ADAMTS17: variants seen among roughly 807,000 people sequenced by gnomAD.
ADAMTS17 encodes ADAM metallopeptidase with thrombospondin type 1 motif 17.
A neutral mutation model predicts 141.5 loss-of-function variants in ADAMTS17; 113 were observed. The observed-to-expected ratio is 0.80, with a 90% CI of 0.69 to 0.93. The LOEUF is 0.93. Ranked by LOEUF, ADAMTS17 falls within the 40% of genes least tolerant of loss-of-function variation. The pLI, the probability that ADAMTS17 is intolerant of heterozygous loss-of-function variation, is 0.00. For synonymous variants in ADAMTS17, 768 were observed against 630.6 expected, an observed-to-expected ratio of 1.22 and a Z score of -3.27; for missense variants, 1,659 against 1,517.9, an observed-to-expected ratio of 1.09 and a Z score of -1.54.
At chr15:100,140,820 T>TC (rs2038606726) in intron 10 of ADAMTS17, among the ~76,000 whole-genome samples, 1 of 151,988 alleles carries the variant, frequency 6.6e-6, no homozygotes, top group Admixed American at 6.5e-5. Context: ...GTCCATCCTC[T>TC]CATCTGCAGT....
intron 21 of ADAMTS17, among the ~76,000 whole-genome samples, chr15:99,975,785 T>A (rs2060310457): frequency 6.6e-6 from 1 of 152,198 alleles, no homozygotes; most frequent in Non-Finnish European, 1.5e-5. Flanking sequence ...CTGTGGAACA[T>A]TCTCCTGTGT....
chr15:100,014,135 T>G (rs1167306338), intron 18 of ADAMTS17, among the ~76,000 whole-genome samples: 3 of 152,292 alleles, frequency 2.0e-5, no homozygotes, highest in Admixed American at 2.0e-4. Context: ...TTCCAAGAAT[T>G]TATCTATCTC....
chr15:100,260,865 A>G (rs1188200941), intron 6 of ADAMTS17, among the ~76,000 whole-genome samples: 2 of 152,172 alleles, frequency 1.3e-5, no homozygotes, highest in African/African-American at 4.8e-5. Context: ...AATCTAATGC[A>G]TTAAGTTATT....
intron 8 of ADAMTS17, among the ~76,000 whole-genome samples, chr15:100,162,458 GCACATATACACATTATA>G (rs1378445229): frequency 8.6e-5 from 11 of 127,828 alleles, no homozygotes; most frequent in Non-Finnish European, 1.6e-4. Context: ...TTATATATAT[GCACATATACACATTATA>G]TGTGTATATA....
chr15:100,014,442 T>A (rs2061249385), intron 18 of ADAMTS17, among the ~76,000 whole-genome samples: 1 of 152,158 alleles, frequency 6.6e-6, no homozygotes, highest in Non-Finnish European at 1.5e-5. Flanking sequence ...TTCCTTGAGG[T>A]GTGACCTTAG....
In ADAMTS17 at chr15:99,974,316, GGGGC is replaced by G; in HGVS notation, c.*82_*85del. ...GTTGGATTCTTGTGGCAGCCGGGTG[GGGGC>G]GTGGCCACAAGGCTGGTAGGCTTGC... On this transcript the variant is annotated 3_prime_UTR_variant, in exon 22 of 22. Transcript: ENST00000268070. The G allele has an allele frequency of 1.3e-6, 2 of 1,569,866 alleles. No individual in the cohort carries two copies. The highest frequency in any genetic ancestry group is 1.7e-6 in the Non-Finnish European group (2 of 1,145,616).
intron 10 of ADAMTS17, among the ~76,000 whole-genome samples, chr15:100,140,484 C>CATATAGATATATATATATATATAT (rs1164353969): frequency 2.4e-5 from 1 of 40,830 alleles, no homozygotes; most frequent in Non-Finnish European, 7.0e-5. Context: ...CACACACATA[C>CATATAGATATATATATATATATAT]ATACATATAT....
rs1330228438 is a variant in ADAMTS17 at position 99,976,166 on chromosome 15, C to G, written c.3006G>C (p.Lys1002Asn). The G allele has an allele frequency of 6.5e-7, 1 of 1,550,370 alleles. No individual in the cohort carries two copies. Among genetic ancestry groups the G allele is most frequent in the Non-Finnish European group, 8.7e-7 (1 of 1,147,006 alleles). The change falls in exon 21 of 22, where the codon AAG (lysine) becomes AAC (asparagine). Residue 1002 changes from lysine to asparagine, a missense_variant. By Grantham distance (94) the Lys-to-Asn change is moderately conservative (BLOSUM62 0). Transcript: ENST00000268070. ...LQSRVVQCMHKVTGRHGSECP... is the reference protein window; with the variant it reads ...LQSRVVQCMHNVTGRHGSECP... ...ACTCGCTGCCGTGGCGCCCTGTGAC[C>G]TTGTGCATGCACTGCACCACCCGGG... is the stretch of plus-strand genomic sequence containing the variant.
intron 15 of ADAMTS17, among the ~76,000 whole-genome samples, chr15:100,066,617 T>G (rs886135376): frequency 6.6e-6 from 1 of 152,206 alleles, no homozygotes; most frequent in Non-Finnish European, 1.5e-5. Flanking sequence ...ATGGTGTTCT[T>G]GGGCATTTGA....
intron 4 of ADAMTS17, among the ~76,000 whole-genome samples, chr15:100,277,236 G>C (rs1384794215): frequency 6.6e-6 from 1 of 152,036 alleles, no homozygotes; most frequent in African/African-American, 2.4e-5. Flanking sequence ...TCAGCCCCGG[G>C]CTCTTGAGCC....
At chr15:100,336,789 G>A (rs1256902531) in intron 2 of ADAMTS17, among the ~76,000 whole-genome samples, 1 of 152,176 alleles carries the variant, frequency 6.6e-6, no homozygotes, top group Admixed American at 6.5e-5. Flanking sequence ...TCTAAAGAAA[G>A]AAGTAGTAAC....
At chr15:99,977,349 CATATATATAT>C (rs71151927) in intron 20 of ADAMTS17, among the ~76,000 whole-genome samples, 531 of 30,282 alleles carry the variant, frequency 0.018, 11 homozygotes, top group South Asian at 0.028. Context: ...CCCTCCTCTT[CATATATATAT>C]ATATATATAT....
In ADAMTS17 at chr15:99,994,670, G is replaced by A. The variant is rs35566769; in HGVS notation, c.2797-1470C>T. Among the ~76,000 whole-genome samples, 16 of 152,242 alleles carry A rather than the reference G, an allele frequency of 1.1e-4. No homozygotes were observed. In the South Asian group the frequency reaches 1.2e-3, roughly 12 times the overall value. ...CAACCTCCGCCTCCCGGGTTCAAGC[G>A]ATTCTCCTGCCTCAGCCTCCTGAGT... is the stretch of plus-strand genomic sequence containing the variant. On this transcript the variant is annotated intron_variant, in intron 19 of 21. Transcript: ENST00000268070.
At chr15:100,278,329 A>AT (rs59637416) in intron 4 of ADAMTS17, among the ~76,000 whole-genome samples, 41,746 of 104,844 alleles carry the variant, frequency 0.4, 6,217 homozygotes, top group East Asian at 0.64. Flanking sequence ...TTCTACCACA[A>AT]AAAAAAAAAA....
At chr15:100,250,880 A>G (rs1016686678) in intron 7 of ADAMTS17, among the ~76,000 whole-genome samples, 1 of 152,208 alleles carries the variant, frequency 6.6e-6, no homozygotes, top group South Asian at 2.1e-4. Context: ...TGACTGTATA[A>G]TTACTCAAAA....
intron 15 of ADAMTS17, among the ~76,000 whole-genome samples, chr15:100,058,097 C>T (rs1462716669): frequency 6.6e-6 from 1 of 151,496 alleles, no homozygotes; most frequent in Non-Finnish European, 1.5e-5. Flanking sequence ...CACACTCCAC[C>T]CCTGCCTCAA....
chr15:99,992,754 T>C (rs1466327998), intron 20 of ADAMTS17, among the ~76,000 whole-genome samples: 3 of 152,190 alleles, frequency 2.0e-5, no homozygotes, highest in African/African-American at 7.2e-5. Context: ...AAGCCTGGCA[T>C]CCAGGGCACC....
intron 8 of ADAMTS17, among the ~76,000 whole-genome samples, chr15:100,155,999 G>C (rs1436865797): frequency 2.0e-5 from 3 of 152,124 alleles, no homozygotes; most frequent in Non-Finnish European, 4.4e-5. Flanking sequence ...CCAGTTTGCT[G>C]ACCCAGAGTT....
intron 10 of ADAMTS17, among the ~76,000 whole-genome samples, chr15:100,145,476 C>T (rs2038857211): frequency 6.6e-6 from 1 of 152,180 alleles, no homozygotes; most frequent in African/African-American, 2.4e-5. Context: ...AATTTTGCAT[C>T]AAAGTTCCCT....
Sources: gnomAD v4.1 joint callset for allele counts (sites outside exome capture counted in the v4.1 genomes callset) on GRCh38, gnomAD v4.1.1 for gene constraint, MANE v1.5 for transcripts, NCBI Gene and HGNC (gene_info 2026-07-23, HGNC 2026-07-21) for gene names.